TMPRSS12: variants seen among roughly 807,000 people sequenced by gnomAD.
TMPRSS12 encodes the protein transmembrane protease serine 12.
A neutral mutation model predicts 26.0 loss-of-function variants in TMPRSS12; 25 were observed. The ratio of observed to expected loss-of-function variants is 0.96; its 90% CI spans 0.70 to 1.34. The LOEUF is 1.34. Ranked by LOEUF, TMPRSS12 falls within the 40% of genes most tolerant of loss-of-function variation. The probability of loss-of-function intolerance (pLI) is 0.00; values close to 1 mark genes in which losing one functional copy is unlikely to be tolerated. For missense variants in TMPRSS12, 441 were observed against 440.1 expected, an observed-to-expected ratio of 1.00 and a Z score of -0.02; for synonymous variants, 150 against 161.7, an observed-to-expected ratio of 0.93 and a Z score of 0.55.
intron 3 of TMPRSS12, among the ~76,000 whole-genome samples, chr12:50,865,891 A>G (rs1267623394): frequency 1.3e-5 from 2 of 152,116 alleles, no homozygotes; most frequent in African/African-American, 4.8e-5. Context: ...CTTGAGGCCT[A>G]CCCTCAAGAA....
At chr12:50,880,387 T>G (rs995057536) in intron 3 of TMPRSS12, among the ~76,000 whole-genome samples, 1 of 152,114 alleles carries the variant, frequency 6.6e-6, no homozygotes, top group Non-Finnish European at 1.5e-5. Context: ...AAGACCTCAT[T>G]TCAAATATAT....
intron 3 of TMPRSS12, among the ~76,000 whole-genome samples, chr12:50,863,278 A>C (rs1453006192): frequency 6.6e-6 from 1 of 152,188 alleles, no homozygotes; most frequent in Non-Finnish European, 1.5e-5. Flanking sequence ...ATGGTGAGAG[A>C]CATTACATAA....
At chr12:50,871,789 A>G (rs549772566) in intron 3 of TMPRSS12, among the ~76,000 whole-genome samples, 2 of 152,236 alleles carry the variant, frequency 1.3e-5, no homozygotes, top group African/African-American at 4.8e-5. Flanking sequence ...ATGAATAGGC[A>G]ATTCTCAAAA....
intron 3 of TMPRSS12, among the ~76,000 whole-genome samples, chr12:50,871,692 T>C (rs1006100987): frequency 2.0e-5 from 3 of 151,910 alleles, no homozygotes; most frequent in Non-Finnish European, 2.9e-5. Flanking sequence ...ATCTATACAT[T>C]TGACAAAGGA....
rs576787311 is a variant in TMPRSS12, at chr12:50,855,869, G to A, written c.384-2916G>A. On this transcript the variant is annotated intron_variant, in intron 2 of 4. Transcript: ENST00000398458. ...GTACATATACACCATGGAATACTAC[G>A]CAGTCATGAAAAAGAATGAAATCAT... Among the ~76,000 whole-genome samples the A allele has an allele frequency of 1.1e-3, 170 of 152,268 alleles. No individual in the cohort carries two copies. In the Middle Eastern group the frequency reaches 0.014, roughly 12 times the overall value.
At chr12:50,870,736 T>A (rs527695960) in intron 3 of TMPRSS12, among the ~76,000 whole-genome samples, 67 of 151,708 alleles carry the variant, frequency 4.4e-4, no homozygotes, top group Non-Finnish European at 8.2e-4. Flanking sequence ...CTAGAACTGA[T>A]AAAAGAATTC....
chr12:50,874,443 T>C (rs750069307), intron 3 of TMPRSS12, among the ~76,000 whole-genome samples: 165 of 152,148 alleles, frequency 1.1e-3, no homozygotes, highest in Non-Finnish European at 2.0e-3. Flanking sequence ...ATAAAGCCTA[T>C]ATTAATAAAA....
chr12:50,862,291 G>A (rs1565933201), intron 3 of TMPRSS12, among the ~76,000 whole-genome samples: 1 of 152,168 alleles, frequency 6.6e-6, no homozygotes, highest in Non-Finnish European at 1.5e-5. Context: ...TAAGGACTCG[G>A]TGTGACGATA....
chr12:50,882,967 C>T (rs560728117), intron 3 of TMPRSS12, among the ~76,000 whole-genome samples: 1 of 152,246 alleles, frequency 6.6e-6, no homozygotes, highest in South Asian at 2.1e-4. Context: ...GAAAGCCCAA[C>T]GTTATAAATG....
At chr12:50,874,860 C>T (rs1938098224) in intron 3 of TMPRSS12, among the ~76,000 whole-genome samples, 1 of 151,994 alleles carries the variant, frequency 6.6e-6, no homozygotes, top group Non-Finnish European at 1.5e-5. Flanking sequence ...CAAAAAAATC[C>T]CTAGGAATAC....
At chr12:50,858,204 C>A (rs568304547) in intron 2 of TMPRSS12, among the ~76,000 whole-genome samples, 5 of 152,138 alleles carry the variant, frequency 3.3e-5, no homozygotes, top group African/African-American at 9.6e-5. Context: ...CAGTAAGTTT[C>A]AAAAAAATTA....
At chr12:50,870,503 T>G (rs1938032014) in intron 3 of TMPRSS12, among the ~76,000 whole-genome samples, 3 of 152,248 alleles carry the variant, frequency 2.0e-5, no homozygotes, top group African/African-American at 7.2e-5. Flanking sequence ...TAATACTGAA[T>G]GGGGAAAAGT....
chr12:50,877,362 G>A lies in TMPRSS12; in HGVS notation c.653-7884G>A, dbSNP rs571022514. Among the ~76,000 whole-genome samples the A allele has an allele frequency of 1.9e-3, 295 of 152,276 alleles. 1 individual carries two copies. Among genetic ancestry groups the A allele is most frequent in the African/African-American group, 6.8e-3 (282 of 41,560 alleles). On this transcript the variant is annotated intron_variant, in intron 3 of 4. Transcript: ENST00000398458. Reference sequence around the variant, plus strand: ...AATCAGGAACAAAGCAAGGATTTTAGCCTGTGCAATGGGCAAGAAAAAGAC... The same window carrying A: ...AATCAGGAACAAAGCAAGGATTTTAACCTGTGCAATGGGCAAGAAAAAGAC...
rs1218568433 is a variant in TMPRSS12, at chr12:50,887,309, A to AT, written c.849dup (p.Val284CysfsTer70). On this transcript the variant is annotated frameshift_variant, in exon 5 of 5. Transcript: ENST00000398458. LOFTEE classifies it low-confidence loss of function (END_TRUNC). ...TGTGCTACTTACCAGAATATAAAAG[A>AT]TTTTTTGTAATGGGAATTACCAGTT... 1.2e-6 allele frequency: 2 copies of AT among 1,613,912 alleles called. No individual in the cohort carries two copies. Among genetic ancestry groups the AT allele is most frequent in the East Asian group, 4.5e-5 (2 of 44,880 alleles).
chr12:50,850,890 T>C (rs1937820056), intron 2 of TMPRSS12, among the ~76,000 whole-genome samples: 1 of 152,320 alleles, frequency 6.6e-6, no homozygotes, highest in Admixed American at 6.5e-5. Flanking sequence ...TACAAAGCCA[T>C]GAGCCTGTCC....
At chr12:50,874,714 G>A (rs191117452) in intron 3 of TMPRSS12, among the ~76,000 whole-genome samples, 1 of 152,216 alleles carries the variant, frequency 6.6e-6, no homozygotes, top group Admixed American at 6.5e-5. Flanking sequence ...CTTTGGTAAA[G>A]TTCCAGGATA....
intron 2 of TMPRSS12, among the ~76,000 whole-genome samples, chr12:50,849,264 T>C (rs958826509): frequency 6.6e-6 from 1 of 151,720 alleles, no homozygotes; most frequent in Non-Finnish European, 1.5e-5. Flanking sequence ...CCCACTGATA[T>C]CTACTAAAAC....
intron 3 of TMPRSS12, among the ~76,000 whole-genome samples, chr12:50,861,023 C>CATGAGCTGGGTTTATAGGT (rs1162621644): frequency 6.6e-6 from 1 of 152,150 alleles, no homozygotes; most frequent in African/African-American, 2.4e-5. Context: ...GGTTTATAGG[C>CATGAGCTGGGTTTATAGGT]ATGAGCACCA....
chr12:50,872,724 GTA>G lies in TMPRSS12; in HGVS notation c.653-12516_653-12515del, dbSNP rs1198705253. ...ACGTATATGTGTACATATATATGAC[GTA>G]TATATGTACATATATATACGTCTAT... On this transcript the variant is annotated intron_variant, in intron 3 of 4. Transcript: ENST00000398458. 3.7e-3 allele frequency among the ~76,000 whole-genome samples: 353 copies of G among 94,642 alleles called. 5 individuals carry two copies. Among genetic ancestry groups the G allele is most frequent in the Non-Finnish European group, 5.2e-3 (239 of 46,366 alleles). 62.1% of individuals were successfully genotyped at this position (94,642 alleles called of 152,430 possible).
Sources: gnomAD v4.1 joint callset for allele counts (sites outside exome capture counted in the v4.1 genomes callset) on GRCh38, gnomAD v4.1.1 for gene constraint, MANE v1.5 for transcripts, NCBI Gene and HGNC (gene_info 2026-07-23, HGNC 2026-07-21) for gene names.